ARB2A: variants seen among roughly 807,000 people sequenced by gnomAD.
ARB2A encodes ARB2 cotranscriptional regulator A.
the ARB2A span, among the ~76,000 whole-genome samples, chr5:93,816,890 C>A: frequency 3.9e-5 from 6 of 152,092 alleles, no homozygotes; most frequent in African/African-American, 1.4e-4. Flanking sequence ...AGATCAGGAA[C>A]AAGACAAGGA....
chr5:93,928,535 A>G, the ARB2A span, among the ~76,000 whole-genome samples: 1 of 152,200 alleles, frequency 6.6e-6, no homozygotes, highest in Admixed American at 6.5e-5. Flanking sequence ...TGATATAAAC[A>G]CAAGTTATGT....
At chr5:93,662,797 C>A in the ARB2A span, among the ~76,000 whole-genome samples, 2 of 152,168 alleles carry the variant, frequency 1.3e-5, no homozygotes, top group African/African-American at 4.8e-5. Context: ...GAGTTTTACT[C>A]CATTGTCTTA....
the ARB2A span, among the ~76,000 whole-genome samples, chr5:93,986,367 G>A: frequency 6.6e-6 from 1 of 151,692 alleles, no homozygotes; most frequent in Non-Finnish European, 1.5e-5. Flanking sequence ...GGTAGGTGAG[G>A]GGCGCCCCCG....
chr5:94,087,201 T>C, the ARB2A span, among the ~76,000 whole-genome samples: 10 of 152,152 alleles, frequency 6.6e-5, no homozygotes, highest in Non-Finnish European at 8.8e-5. Flanking sequence ...GAAAATACTT[T>C]TGTACAGCTG....
the ARB2A span, among the ~76,000 whole-genome samples, chr5:93,820,757 C>T: frequency 1.3e-4 from 20 of 152,106 alleles, 1 homozygote; most frequent in East Asian, 3.7e-3. Context: ...TGAGATGAAA[C>T]AGTTCTTTCC....
the ARB2A span, among the ~76,000 whole-genome samples, chr5:93,981,398 C>G: frequency 6.6e-6 from 1 of 152,002 alleles, no homozygotes; most frequent in Non-Finnish European, 1.5e-5. Flanking sequence ...CTCATTTCCT[C>G]TGCTTGATGT....
At chr5:94,041,556 C>T in the ARB2A span, among the ~76,000 whole-genome samples, 1 of 152,004 alleles carries the variant, frequency 6.6e-6, no homozygotes, top group South Asian at 2.1e-4. Flanking sequence ...AATACATTGT[C>T]AGAAAAGTAA....
the ARB2A span, among the ~76,000 whole-genome samples, chr5:93,948,169 C>G: frequency 3.3e-4 from 51 of 152,298 alleles, 1 homozygote; most frequent in East Asian, 9.1e-3. Flanking sequence ...TCCTCTCCAG[C>G]ACCTGTTGTT....
At chr5:93,968,793 G>A in the ARB2A span, among the ~76,000 whole-genome samples, 1 of 151,932 alleles carries the variant, frequency 6.6e-6, no homozygotes, top group African/African-American at 2.4e-5. Context: ...AATCTTAAAA[G>A]AAGCTGGTGG....
the ARB2A span, among the ~76,000 whole-genome samples, chr5:93,896,257 C>T: frequency 1.3e-5 from 2 of 151,968 alleles, no homozygotes; most frequent in Non-Finnish European, 2.9e-5. Context: ...ATCCCTAATC[C>T]AAAAATCTGA....
At chr5:93,886,282 C>A in the ARB2A span, among the ~76,000 whole-genome samples, 1 of 151,716 alleles carries the variant, frequency 6.6e-6, no homozygotes. Flanking sequence ...CTGCAAGCCA[C>A]ATGTGACCAG....
At chr5:93,702,241 G>C in the ARB2A span, among the ~76,000 whole-genome samples, 1 of 152,134 alleles carries the variant, frequency 6.6e-6, no homozygotes, top group Admixed American at 6.6e-5. Flanking sequence ...GAATTTTGCA[G>C]CCATTTAGTG....
chr5:93,763,408 T>C, the ARB2A span, among the ~76,000 whole-genome samples: 2 of 152,128 alleles, frequency 1.3e-5, no homozygotes, highest in Non-Finnish European at 1.5e-5. Context: ...TAGTCTCTGA[T>C]AAAACAGACT....
At chr5:94,067,454 A>G in the ARB2A span, among the ~76,000 whole-genome samples, 1 of 152,186 alleles carries the variant, frequency 6.6e-6, no homozygotes, top group Non-Finnish European at 1.5e-5. Flanking sequence ...CTCCACCAAT[A>G]AACTTGTAGC....
the ARB2A span, among the ~76,000 whole-genome samples, chr5:94,012,425 G>C: frequency 6.6e-6 from 1 of 152,082 alleles, no homozygotes; most frequent in East Asian, 1.9e-4. Flanking sequence ...AAAACATTAA[G>C]ATGGAAGGAT....
chr5:93,626,300 T>C, the ARB2A span, among the ~76,000 whole-genome samples: 1 of 152,156 alleles, frequency 6.6e-6, no homozygotes, highest in Non-Finnish European at 1.5e-5. Context: ...CATACACACA[T>C]ACTAATCAGA....
At chr5:94,062,447 C>T in the ARB2A span, among the ~76,000 whole-genome samples, 12 of 152,186 alleles carry the variant, frequency 7.9e-5, no homozygotes, top group African/African-American at 2.2e-4. Flanking sequence ...AAAAGGGAAA[C>T]GAGGCAACCT....
chr5:93,782,393 G>A, the ARB2A span, among the ~76,000 whole-genome samples: 2 of 152,122 alleles, frequency 1.3e-5, no homozygotes, highest in South Asian at 2.1e-4. Flanking sequence ...GGCTTTTCCA[G>A]GATTATAAAT....
the ARB2A span, among the ~76,000 whole-genome samples, chr5:93,782,703 T>C: frequency 6.6e-6 from 1 of 152,136 alleles, no homozygotes. Context: ...TCCAACATGT[T>C]TGCAAGGTAG....
Sources: gnomAD v4.1 joint callset for allele counts (sites outside exome capture counted in the v4.1 genomes callset) on GRCh38, gnomAD v4.1.1 for gene constraint, MANE v1.5 for transcripts, NCBI Gene and HGNC (gene_info 2026-07-23, HGNC 2026-07-21) for gene names.